Variants in RGS20 observed in about 807,000 individuals in gnomAD.
RGS20 encodes gz-selective GTPase-activating protein.
RGS20 carries 30 observed loss-of-function variants against 33.6 expected under a neutral mutation model. The ratio of observed to expected loss-of-function variants is 0.89; its 90% CI spans 0.67 to 1.21. The LOEUF is 1.21. RGS20 is among the 50% of genes most tolerant of loss of function. The pLI is 0.00. For synonymous variants in RGS20, 208 were observed against 197.9 expected (o/e 1.05, Z -0.43); for missense variants, 472 against 502.4 (o/e 0.94, Z 0.58).
At chr8:53,883,486 C>G (rs1298364488) in intron 2 of RGS20, among the ~76,000 whole-genome samples, 1 of 152,038 alleles carries the variant, frequency 6.6e-6, no homozygotes, top group South Asian at 2.1e-4. Context: ...TTTCTTATCA[C>G]GTATTAGTAA....
At chr8:53,883,208 G>A (rs1337084463) in intron 2 of RGS20, among the ~76,000 whole-genome samples, 1 of 151,214 alleles carries the variant, frequency 6.6e-6, no homozygotes, top group Non-Finnish European at 1.5e-5. Flanking sequence ...CCAGGCTGGA[G>A]TGCAATGGCG....
chr8:53,931,866 C>T (rs749218347), intron 2 of RGS20, among the ~76,000 whole-genome samples: 13 of 152,104 alleles, frequency 8.5e-5, no homozygotes, highest in African/African-American at 1.4e-4. Flanking sequence ...CAGAGCACTC[C>T]GACCCAGACA....
At chr8:53,861,767 C>T (rs547864047) in intron 1 of RGS20, among the ~76,000 whole-genome samples, 2 of 152,348 alleles carry the variant, frequency 1.3e-5, no homozygotes, top group East Asian at 3.9e-4. Flanking sequence ...AAAAAGTAAG[C>T]TTATGATCAG....
intron 4 of RGS20, among the ~76,000 whole-genome samples, chr8:53,949,688 G>C (rs1453451224): frequency 6.6e-6 from 1 of 151,334 alleles, no homozygotes; most frequent in Non-Finnish European, 1.5e-5. Context: ...CTGCACCCCA[G>C]CCTAGGAGAC....
rs923205766 is a variant in RGS20, at chr8:53,939,659, C to G, written c.594C>G (p.Pro198=). The change falls in exon 3 of 6, where the codon CCC becomes CCG. Residue 198 remains proline (P), a synonymous_variant. Coordinates refer to ENST00000297313, the MANE Select transcript of RGS20 (RefSeq NM_170587.4). ...CACCAGGCGCCGCCCCAGGCCAGCC[C>G]GGAGCGGGGAGTCGCGGGTCCAACG... is the stretch of plus-strand genomic sequence containing the variant. 2 of 1,590,032 alleles carry G rather than the reference C, an allele frequency of 1.3e-6. No individual in the cohort carries two copies. The highest frequency in any genetic ancestry group is 2.3e-5 in the East Asian group (1 of 43,994).
At chr8:53,936,639 A>G (rs569332864) in intron 2 of RGS20, among the ~76,000 whole-genome samples, 1 of 152,336 alleles carries the variant, frequency 6.6e-6, no homozygotes, top group East Asian at 1.9e-4. Context: ...GCTCATGGAT[A>G]GGAAGAATCA....
chr8:53,883,085 T>G (rs892284992), intron 2 of RGS20, among the ~76,000 whole-genome samples: 3 of 152,192 alleles, frequency 2.0e-5, no homozygotes, highest in Admixed American at 6.5e-5. Context: ...TTAAAATATT[T>G]TTTCTCCAAA....
At chr8:53,943,998 C>A (rs1585948028) in intron 3 of RGS20, among the ~76,000 whole-genome samples, 1 of 127,886 alleles carries the variant, frequency 7.8e-6, no homozygotes, top group South Asian at 2.3e-4. Context: ...AATAGAGCTA[C>A]ACACACACAC....
intron 1 of RGS20, among the ~76,000 whole-genome samples, chr8:53,867,551 A>C (rs1391365459): frequency 1.3e-5 from 2 of 151,968 alleles, no homozygotes; most frequent in Non-Finnish European, 2.9e-5. Context: ...TTTGGTGTGC[A>C]CTCTTTACTG....
chr8:53,884,395 T>C (rs1369264281), intron 2 of RGS20, among the ~76,000 whole-genome samples: 1 of 152,148 alleles, frequency 6.6e-6, no homozygotes, highest in Non-Finnish European at 1.5e-5. Context: ...AGGATCTCGC[T>C]GTGTTGCCAG....
intron 2 of RGS20, among the ~76,000 whole-genome samples, chr8:53,920,205 G>A (rs1053213003): frequency 6.6e-6 from 1 of 151,966 alleles, no homozygotes; most frequent in Non-Finnish European, 1.5e-5. Context: ...TTCAACAATC[G>A]TTTTGTGGTT....
chr8:53,873,322 T>C (rs1292818769), intron 1 of RGS20, among the ~76,000 whole-genome samples: 5 of 152,220 alleles, frequency 3.3e-5, no homozygotes, highest in Non-Finnish European at 7.3e-5. Context: ...TATTTCTTTA[T>C]AGCAATGCAA....
chr8:53,888,986 G>A (rs186961565), intron 2 of RGS20, among the ~76,000 whole-genome samples: 187 of 152,292 alleles, frequency 1.2e-3, no homozygotes, highest in Admixed American at 3.5e-3. Flanking sequence ...TTCCAGTGTG[G>A]AGCTATTATG....
intron 2 of RGS20, among the ~76,000 whole-genome samples, chr8:53,910,119 C>T (rs1813312014): frequency 6.6e-6 from 1 of 152,144 alleles, no homozygotes; most frequent in African/African-American, 2.4e-5. Context: ...TTTAATCATT[C>T]ATCACATATG....
intron 2 of RGS20, among the ~76,000 whole-genome samples, chr8:53,911,913 C>T (rs1813357763): frequency 1.3e-5 from 2 of 152,102 alleles, no homozygotes; most frequent in South Asian, 4.1e-4. Context: ...TTAACTCCAG[C>T]TTGGGTGATG....
Position 53,954,320 on chromosome 8 carries a change from C to A in RGS20, c.978+10C>A, listed in dbSNP as rs764452458. The A allele has an allele frequency of 6.5e-7, 1 of 1,528,836 alleles. No individual in the cohort carries two copies. Among genetic ancestry groups the A allele is most frequent in the East Asian group, 2.3e-5 (1 of 44,402 alleles). The allele number at this position is 1,528,836 out of a possible 1,614,324, so 94.7% of individuals were successfully genotyped here. A position where few individuals can be genotyped will look rare whatever the true frequency, so the allele number is the denominator to read the frequency against. ...ACTTTCTCCTAAGGAGGTATGTGAC[C>A]ACGAGATGCCTTTTCCCAAGGCTGT... On this transcript the variant is annotated intron_variant, in intron 5 of 5. Transcript: ENST00000297313.
At chr8:53,943,167 A>G (rs1814360107) in intron 3 of RGS20, among the ~76,000 whole-genome samples, 1 of 152,200 alleles carries the variant, frequency 6.6e-6, no homozygotes, top group Non-Finnish European at 1.5e-5. Flanking sequence ...TCTAGGGTAA[A>G]GAGAGGAAGA....
chr8:53,942,788 A>C (rs1308068268), intron 3 of RGS20, among the ~76,000 whole-genome samples: 1 of 150,960 alleles, frequency 6.6e-6, no homozygotes, highest in Non-Finnish European at 1.5e-5. Flanking sequence ...CAGGAGTTCG[A>C]GACCAGCTGG....
chr8:53,884,288 C>T (rs1274596351), intron 2 of RGS20, among the ~76,000 whole-genome samples: 1 of 149,492 alleles, frequency 6.7e-6, no homozygotes, highest in Non-Finnish European at 1.5e-5. Flanking sequence ...CTTGAACTCC[C>T]AGATTCAAAG....
Sources: gnomAD v4.1 joint callset for allele counts (sites outside exome capture counted in the v4.1 genomes callset) on GRCh38, gnomAD v4.1.1 for gene constraint, MANE v1.5 for transcripts, NCBI Gene and HGNC (gene_info 2026-07-23, HGNC 2026-07-21) for gene names.